HEXA: variants seen among roughly 807,000 people sequenced by gnomAD.
HEXA encodes the protein hexosaminidase subunit alpha.
In HEXA, 54 loss-of-function variants were observed where a neutral mutation model predicts 73.3. The ratio of observed to expected loss-of-function variants is 0.74; its 90% CI spans 0.59 to 0.92. The LOEUF (loss-of-function observed/expected upper bound fraction) is 0.92. HEXA is among the 40% of genes least tolerant of loss of function. The pLI, the probability that HEXA is intolerant of heterozygous loss-of-function variation, is 0.00. For synonymous variants in HEXA, 230 were observed against 246.9 expected (o/e 0.93, Z 0.64); for missense variants, 649 against 653.0 (o/e 0.99, Z 0.07).
rs574497871 is a variant in HEXA at position 72,348,079 on chromosome 15, A to C, written c.1042T>G (p.Phe348Val). The change falls in exon 9 of 14, where the codon TTC becomes GTC. Residue 348 changes from phenylalanine to valine, a missense_variant. Phe to Val is a conservative substitution (Grantham distance 50). Transcript: ENST00000268097. ...ATGTAGAAGGACTCCAGCTGCTTGA[A>C]GTCCTCACCGAAGCCTTTCTTCCTC... ...FMRKKGFGED[F>V]KQLESFYIQT... 7.4e-6 allele frequency: 12 copies of C among 1,613,806 alleles called. No individual in the cohort carries two copies. The South Asian group carries it at 1.3e-4, about 18-fold the overall frequency.
intron 3 of HEXA, chr15:72,353,967 C>T (rs575395428): frequency 1.7e-6 from 1 of 604,418 alleles, no homozygotes; most frequent in Non-Finnish European, 3.0e-6. Context: ...GGTTTTAGTG[C>T]CCTTCCTTAC....
intron 6 of HEXA, 145 bp downstream of exon 6, chr15:72,350,988 T>C: frequency 1.4e-6 from 1 of 702,442 alleles, no homozygotes; most frequent in Non-Finnish European, 2.6e-6. Flanking sequence ...TGAACTCAAG[T>C]CTCCTGACTC....
chr15:72,349,271 G>GA lies in HEXA; in HGVS notation c.806-13dup. ...TAATCCAGGGATACCTAAGCCAAGA[G>GA]AAAACCCCATATGAGTGTCACAAAT... On this transcript the variant is annotated splice_polypyrimidine_tract_variant and intron_variant, in intron 7 of 13. Coordinates refer to ENST00000268097, the MANE Select transcript of HEXA (RefSeq NM_000520.6). The GA allele has an allele frequency of 6.2e-7, 1 of 1,611,266 alleles. No individual in the cohort carries two copies. Among genetic ancestry groups the GA allele is most frequent in the Non-Finnish European group, 8.5e-7 (1 of 1,177,778 alleles).
chr15:72,364,448 C>T (rs956619541), intron 1 of HEXA, among the ~76,000 whole-genome samples: 5 of 152,108 alleles, frequency 3.3e-5, no homozygotes, highest in African/African-American at 7.2e-5. Context: ...TATACATTAA[C>T]TTACCTAACT....
intron 1 of HEXA, among the ~76,000 whole-genome samples, chr15:72,375,501 G>C (rs570286469): frequency 6.6e-6 from 1 of 152,306 alleles, no homozygotes; most frequent in South Asian, 2.1e-4. Flanking sequence ...TTAGATTTCT[G>C]CTGGCACAGT....
intron 6 of HEXA, chr15:72,350,905 TA>T: frequency 1.6e-6 from 1 of 622,870 alleles, no homozygotes; most frequent in Non-Finnish European, 2.8e-6. Flanking sequence ...TATAAATACA[TA>T]AAAAGGGAAT....
At chr15:72,371,568 A>G (rs1289454836) in intron 1 of HEXA, among the ~76,000 whole-genome samples, 2 of 149,550 alleles carry the variant, frequency 1.3e-5, no homozygotes, top group African/African-American at 4.9e-5. Context: ...ACTGGGTGAC[A>G]AAATAAGACC....
intron 5 of HEXA, chr15:72,351,810 CTTTTTTTT>C: frequency 1.6e-5 from 1 of 60,966 alleles, no homozygotes; most frequent in Non-Finnish European, 3.2e-5. Context: ...CCAGGAAAGG[CTTTTTTTT>C]TTTTTTTTTT....
At chr15:72,367,438 T>C (rs1392105881) in intron 1 of HEXA, among the ~76,000 whole-genome samples, 1 of 152,176 alleles carries the variant, frequency 6.6e-6, no homozygotes, top group Non-Finnish European at 1.5e-5. Context: ...TCTTTCTAGT[T>C]TTCTCTGTCC....
intron 1 of HEXA, among the ~76,000 whole-genome samples, chr15:72,369,067 G>C (rs918293049): frequency 1.3e-5 from 2 of 152,176 alleles, no homozygotes; most frequent in African/African-American, 4.8e-5. Context: ...AGCCTAACCA[G>C]CCTCAAGATG....
At chr15:72,355,122 A>G in intron 3 of HEXA, 1 of 274,790 alleles carries the variant, frequency 3.6e-6, no homozygotes, top group Non-Finnish European at 7.1e-6. Flanking sequence ...ACTGCTTCCC[A>G]GAGCCCCTGA....
At chr15:72,375,489 C>T (rs1014318551) in intron 1 of HEXA, among the ~76,000 whole-genome samples, 3 of 152,216 alleles carry the variant, frequency 2.0e-5, no homozygotes, top group Admixed American at 6.5e-5. Flanking sequence ...AGAAGGATCA[C>T]CTTAGATTTC....
intron 13 of HEXA, among the ~76,000 whole-genome samples, chr15:72,344,810 G>A (rs1396341572): frequency 1.3e-5 from 2 of 152,158 alleles, no homozygotes; most frequent in African/African-American, 4.8e-5. Context: ...CCTAGCCAAC[G>A]AAGGAATCAG....
At chr15:72,368,794 C>T (rs932528207) in intron 1 of HEXA, among the ~76,000 whole-genome samples, 1 of 152,210 alleles carries the variant, frequency 6.6e-6, no homozygotes, top group African/African-American at 2.4e-5. Flanking sequence ...GAATCTCCCC[C>T]AACCTAGGAC....
At chr15:72,364,056 A>G (rs1478568629) in intron 1 of HEXA, among the ~76,000 whole-genome samples, 1 of 152,142 alleles carries the variant, frequency 6.6e-6, no homozygotes, top group Non-Finnish European at 1.5e-5. Context: ...GTTCGAGCCC[A>G]GCGAACGACT....
At chr15:72,344,205 A>G (rs753326655) in intron 13 of HEXA, 65 bp from the exon 14 acceptor site, 24 of 1,078,822 alleles carry the variant, frequency 2.2e-5, no homozygotes, top group Non-Finnish European at 3.3e-5. Context: ...AACACTTTTC[A>G]CACCAGTCAA....
At chr15:72,356,786 ACT>A in intron 1 of HEXA, 169 bp from the exon 2 acceptor site, 1 of 986,250 alleles carries the variant, frequency 1.0e-6, no homozygotes, top group Non-Finnish European at 1.5e-6. Flanking sequence ...CAGCTGTCTC[ACT>A]CTCGTTGTGC....
At chr15:72,371,527 A>C (rs2088991803) in intron 1 of HEXA, among the ~76,000 whole-genome samples, 1 of 149,196 alleles carries the variant, frequency 6.7e-6, no homozygotes, top group African/African-American at 2.5e-5. Context: ...TCGAGGCTGC[A>C]GTGGGCTGTG....
At chr15:72,353,039 G>A in intron 5 of HEXA, 29 bp downstream of exon 5, 1 of 1,307,198 alleles carries the variant, frequency 7.6e-7, no homozygotes, top group Non-Finnish European at 1.1e-6. Flanking sequence ...GAACTCTTAA[G>A]TGTGAAGAAG....
Sources: allele counts gnomAD v4.1 joint callset (sites outside exome capture counted in the v4.1 genomes callset), GRCh38; gene constraint gnomAD v4.1.1; transcripts MANE v1.5; gene names NCBI Gene and HGNC (gene_info 2026-07-23, HGNC 2026-07-21).